The following PSMD9 variants were observed in gnomAD, a reference collection of about 807,000 sequenced individuals.
PSMD9 encodes 26S proteasome non-ATPase regulatory subunit 9.
In PSMD9, 26 loss-of-function variants were observed where a neutral mutation model predicts 25.9. The ratio of observed to expected loss-of-function variants is 1.00; its 90% CI spans 0.73 to 1.39. PSMD9 has a LOEUF of 1.39. Ranked by LOEUF, PSMD9 falls within the 40% of genes most tolerant of loss-of-function variation. The pLI is 0.00. For missense variants in PSMD9, 303 were observed against 299.3 expected (o/e 1.01, Z -0.09); for synonymous variants, 110 against 114.5 (o/e 0.96, Z 0.25).
At chr12:121,898,397 A>G (rs1879293036) in intron 2 of PSMD9, 1 of 152,210 alleles carries the variant, frequency 6.6e-6, no homozygotes, top group African/African-American at 2.4e-5. Flanking sequence ...TTTTCTGGAA[A>G]AATCAAAGAT....
chr12:121,916,140 G>A, intron 5 of PSMD9, 144 bp from the exon 6 acceptor site: 1 of 1,224,830 alleles, frequency 8.2e-7, no homozygotes, highest in Non-Finnish European at 1.2e-6. Flanking sequence ...GTCTCTCCTG[G>A]GAGTCTCTCC....
intron 3 of PSMD9, among the ~76,000 whole-genome samples, chr12:121,900,512 G>A (rs1879362308): frequency 6.7e-6 from 1 of 148,958 alleles, no homozygotes; most frequent in Admixed American, 6.8e-5. Flanking sequence ...CCAACATGGC[G>A]AAACCCCGTC....
chr12:121,900,937 A>G (rs1302095291), intron 3 of PSMD9, among the ~76,000 whole-genome samples: 1 of 148,652 alleles, frequency 6.7e-6, no homozygotes, highest in Non-Finnish European at 1.5e-5. Flanking sequence ...GTGAGCGGAG[A>G]TCGTGCCACT....
intron 4 of PSMD9, chr12:121,908,028 C>A (rs1879611043): frequency 6.6e-6 from 1 of 152,004 alleles, no homozygotes; most frequent in South Asian, 2.1e-4. Context: ...CAGAGTGAAA[C>A]CCTGTCTCAA....
At chr12:121,916,072 A>C (rs1264636045) in intron 5 of PSMD9, 128 bp downstream of exon 5, 3 of 1,192,950 alleles carry the variant, frequency 2.5e-6, no homozygotes, top group East Asian at 2.4e-5. Flanking sequence ...TGGAAACTGC[A>C]GATAAATCCT....
In PSMD9 at chr12:121,903,083, C is replaced by T; in HGVS notation, c.531C>T (p.Gly177=). The T allele has an allele frequency of 1.2e-6, 2 of 1,613,958 alleles. No homozygotes were observed. The highest frequency in any genetic ancestry group is 8.5e-7 in the Non-Finnish European group (1 of 1,179,928). Residue 177 remains glycine, a synonymous_variant, in exon 4 of 6, where the codon GGC becomes GGT. Transcript: ENST00000541212. ...ACTTCCAGTCACTGCATAACATTGGCAGTGTGGTGCAGCACAGTGAGGGGG... is the reference window on the plus strand; with the variant it reads ...ACTTCCAGTCACTGCATAACATTGGTAGTGTGGTGCAGCACAGTGAGGGGG... ...TQNFQSLHNI[G]SVVQHSEGKP...
At chr12:121,898,578 G>A (rs1879298951) in intron 2 of PSMD9, 1 of 137,898 alleles carries the variant, frequency 7.3e-6, no homozygotes, top group African/African-American at 2.7e-5. Flanking sequence ...TTCTTGCTTT[G>A]TCGCCAGGCT....
At chr12:121,910,799 T>C in intron 4 of PSMD9, 1 of 326,366 alleles carries the variant, frequency 3.1e-6, no homozygotes, top group South Asian at 2.5e-5. Context: ...TTAAAAAATC[T>C]ACACTTTAGT....
At chr12:121,906,472 C>T (rs569085327) in intron 4 of PSMD9, among the ~76,000 whole-genome samples, 3 of 151,266 alleles carry the variant, frequency 2.0e-5, no homozygotes, top group South Asian at 4.2e-4. Flanking sequence ...GAGTTCAAGA[C>T]CAGCCTGGCC....
intron 3 of PSMD9, 154 bp from the exon 4 acceptor site, chr12:121,902,852 A>G (rs1043297569): frequency 2.2e-4 from 133 of 610,580 alleles, no homozygotes; most frequent in African/African-American, 2.1e-3. Flanking sequence ...CCCTTCCTGC[A>G]TGAGGTGTCT....
chr12:121,901,744 C>G (rs1264718973), intron 3 of PSMD9, among the ~76,000 whole-genome samples: 1 of 139,168 alleles, frequency 7.2e-6, no homozygotes, highest in Admixed American at 7.8e-5. Context: ...GGCACGATCT[C>G]GGCTCACTGC....
intron 4 of PSMD9, among the ~76,000 whole-genome samples, chr12:121,911,852 C>T (rs906487330): frequency 6.6e-6 from 1 of 151,560 alleles, no homozygotes; most frequent in African/African-American, 2.4e-5. Flanking sequence ...TGGGTTTCAC[C>T]ATGTTGACCA....
intron 2 of PSMD9, 96 bp from the exon 3 acceptor site, chr12:121,899,538 T>A (rs1012289965): frequency 1.1e-5 from 13 of 1,159,210 alleles, no homozygotes; most frequent in African/African-American, 1.5e-5. Context: ...ACATCTGGCA[T>A]GTAATAAGCA....
At chr12:121,890,868 A>G (rs952463058) in intron 1 of PSMD9, among the ~76,000 whole-genome samples, 5 of 152,010 alleles carry the variant, frequency 3.3e-5, no homozygotes, top group Non-Finnish European at 7.4e-5. Context: ...TTGCATGTTG[A>G]TACGGCATGT....
At chr12:121,889,870 G>A (rs1879011025) in intron 1 of PSMD9, among the ~76,000 whole-genome samples, 1 of 152,036 alleles carries the variant, frequency 6.6e-6, no homozygotes, top group African/African-American at 2.4e-5. Flanking sequence ...AATTAATTAT[G>A]CCCAAGTAGG....
chr12:121,903,072 C>G lies in PSMD9; in HGVS notation c.520C>G (p.His174Asp). 2 of 1,614,064 alleles carry G rather than the reference C, an allele frequency of 1.2e-6. No individual in the cohort carries two copies. Among genetic ancestry groups the G allele is most frequent in the Non-Finnish European group, 8.5e-7 (1 of 1,180,006 alleles). The change falls in exon 4 of 6, where the codon CAT becomes GAT. Residue 174 changes from histidine (H) to aspartate (D), a missense_variant. Physicochemically the swap from His to Asp is moderately conservative, Grantham distance 81. Transcript: ENST00000541212. ...SVNTQNFQSLHNIGSVVQHSE... is the reference protein window; with the variant it reads ...SVNTQNFQSLDNIGSVVQHSE... ...GAACACCCAGAACTTCCAGTCACTG[C>G]ATAACATTGGCAGTGTGGTGCAGCA...
In PSMD9 at chr12:121,917,902, T is replaced by C. The variant is rs1428774758; in HGVS notation, c.*1591T>C. 1 of 152,218 alleles carries C rather than the reference T, an allele frequency of 6.6e-6. No individual in the cohort carries two copies. Among genetic ancestry groups the C allele is most frequent in the Non-Finnish European group, 1.5e-5 (1 of 68,052 alleles). The allele number at this position is 152,218 out of a possible 1,614,324, so 9.4% of individuals were successfully genotyped here. A position where few individuals can be genotyped will look rare whatever the true frequency, so the allele number is the denominator to read the frequency against. ...TTATTTTAAGATGTATGCATATTAA[T>C]CAATTTACCATCACTGGGGCATGGC... On this transcript the variant is annotated 3_prime_UTR_variant, in exon 6 of 6. Coordinates refer to ENST00000541212, the MANE Select transcript of PSMD9 (RefSeq NM_002813.7).
intron 2 of PSMD9, among the ~76,000 whole-genome samples, chr12:121,896,836 CAA>C (rs755152569): frequency 1.7e-5 from 1 of 57,486 alleles, no homozygotes; most frequent in Non-Finnish European, 4.5e-5. Context: ...AACTCTGTCT[CAA>C]AAAAAAAAAA....
intron 4 of PSMD9, chr12:121,910,972 T>G (rs779249028): frequency 2.2e-6 from 1 of 456,562 alleles, no homozygotes; most frequent in South Asian, 1.5e-5. Flanking sequence ...ACTTTCTGTC[T>G]CTATGAATTT....
Sources: allele counts gnomAD v4.1 joint callset (sites outside exome capture counted in the v4.1 genomes callset), GRCh38; gene constraint gnomAD v4.1.1; transcripts MANE v1.5; gene names NCBI Gene and HGNC (gene_info 2026-07-23, HGNC 2026-07-21).